The following PTPRD variants were observed in gnomAD, a reference collection of about 807,000 sequenced individuals.
PTPRD encodes receptor-type tyrosine-protein phosphatase delta.
In PTPRD, 34 loss-of-function variants were observed where a neutral mutation model predicts 214.5. The ratio of observed to expected loss-of-function variants is 0.16; its 90% confidence interval spans 0.12 to 0.21. The LOEUF (loss-of-function observed/expected upper bound fraction) is 0.21, where lower values mean the gene tolerates loss of function less well. PTPRD is among the 10% of genes least tolerant of loss of function. The pLI is 1.00. For missense variants in PTPRD, 2,545 were observed against 2,398.7 expected, an observed-to-expected ratio of 1.06 and a Z score of -1.27; for synonymous variants, 1,128 against 845.7, an observed-to-expected ratio of 1.33 and a Z score of -5.79.
chr9:9,553,301 GTTTA>G (rs1400824618), intron 8 of PTPRD, among the ~76,000 whole-genome samples: 1 of 151,960 alleles, frequency 6.6e-6, no homozygotes, highest in Non-Finnish European at 1.5e-5. Context: ...AATGAATTCA[GTTTA>G]TTTTTTTCTA....
chr9:8,329,374 C>G (rs1406178787), intron 44 of PTPRD, among the ~76,000 whole-genome samples: 1 of 152,102 alleles, frequency 6.6e-6, no homozygotes, highest in Non-Finnish European at 1.5e-5. Context: ...GCTGCCTATT[C>G]CTTCCTCTGG....
At chr9:8,726,774 C>T (rs1261390338) in intron 12 of PTPRD, among the ~76,000 whole-genome samples, 1 of 138,914 alleles carries the variant, frequency 7.2e-6, no homozygotes, top group Non-Finnish European at 1.5e-5. Flanking sequence ...GCACTCCAGC[C>T]TCGGTGACAG....
intron 14 of PTPRD, among the ~76,000 whole-genome samples, chr9:8,580,116 C>G (rs1292625169): frequency 6.6e-6 from 1 of 152,012 alleles, no homozygotes; most frequent in African/African-American, 2.4e-5. Flanking sequence ...ATGATAATGT[C>G]AGGTATTAAG....
chr9:9,545,233 C>A (rs1054634723), intron 8 of PTPRD, among the ~76,000 whole-genome samples: 1 of 151,692 alleles, frequency 6.6e-6, no homozygotes, highest in Non-Finnish European at 1.5e-5. Flanking sequence ...TGTATAACGA[C>A]ACACACTTGC....
chr9:10,007,954 A>T (rs1257618336), intron 4 of PTPRD, among the ~76,000 whole-genome samples: 1 of 151,992 alleles, frequency 6.6e-6, no homozygotes, highest in African/African-American at 2.4e-5. Context: ...TATACTTAAG[A>T]ACCATTATGT....
At chr9:8,883,974 C>T (rs148406887) in intron 11 of PTPRD, among the ~76,000 whole-genome samples, 28 of 152,236 alleles carry the variant, frequency 1.8e-4, no homozygotes, top group African/African-American at 5.5e-4. Flanking sequence ...AGTATTGGGA[C>T]GAATGGGAGT....
chr9:8,642,985 G>A (rs2096610121), intron 12 of PTPRD, among the ~76,000 whole-genome samples: 1 of 152,112 alleles, frequency 6.6e-6, no homozygotes, highest in African/African-American at 2.4e-5. Context: ...CCATAGCAGA[G>A]GTTCTACATG....
Position 9,386,899 on chromosome 9 carries a change from A to G in PTPRD, c.-203+10550T>C, listed in dbSNP as rs146207194. Among the ~76,000 whole-genome samples the G allele has an allele frequency of 4.5e-3, 685 of 152,208 alleles. 1 individual carries two copies. Among genetic ancestry groups the G allele is most frequent in the African/African-American group, 0.015 (636 of 41,542 alleles). On this transcript the variant is annotated intron_variant, in intron 9 of 45. Coordinates refer to ENST00000381196, the MANE Select transcript of PTPRD (RefSeq NM_002839.4). Reference sequence around the variant, plus strand: ...GGCTCCTGAGCCCCAACACAGAGGCATTTTCCCTTATCTAAAGGGAGAAAT... The same window carrying G: ...GGCTCCTGAGCCCCAACACAGAGGCGTTTTCCCTTATCTAAAGGGAGAAAT...
intron 8 of PTPRD, among the ~76,000 whole-genome samples, chr9:9,528,044 G>C (rs1488197871): frequency 6.6e-6 from 1 of 152,204 alleles, no homozygotes; most frequent in Non-Finnish European, 1.5e-5. Context: ...GCATTTCTAG[G>C]CAAGCAAAGG....
intron 8 of PTPRD, among the ~76,000 whole-genome samples, chr9:9,496,770 G>C: frequency 6.6e-6 from 1 of 152,154 alleles, no homozygotes; most frequent in Admixed American, 6.5e-5. Context: ...AAAATACATT[G>C]AAAGCAGGGT....
chr9:10,558,184 A>G (rs1015409364), intron 2 of PTPRD, among the ~76,000 whole-genome samples: 3 of 152,180 alleles, frequency 2.0e-5, no homozygotes, highest in African/African-American at 7.2e-5. Context: ...AACAGAAGAT[A>G]AAAGTAGTCA....
chr9:8,409,167 A>G (rs1044316959), intron 35 of PTPRD, among the ~76,000 whole-genome samples: 1 of 152,214 alleles, frequency 6.6e-6, no homozygotes, highest in Admixed American at 6.6e-5. Context: ...CTTTGTACAT[A>G]CTAACTCATT....
intron 2 of PTPRD, among the ~76,000 whole-genome samples, chr9:10,469,160 A>T (rs2099013961): frequency 6.6e-5 from 10 of 152,178 alleles, no homozygotes; most frequent in Admixed American, 6.6e-4. Flanking sequence ...ATCCAAATGG[A>T]AGAAACAAAA....
intron 5 of PTPRD, among the ~76,000 whole-genome samples, chr9:9,771,577 C>A (rs929754406): frequency 6.6e-6 from 1 of 152,118 alleles, no homozygotes; most frequent in Admixed American, 6.5e-5. Context: ...CTCCACATCA[C>A]CTTATTTAAA....
At chr9:9,762,238 A>C (rs1327376236) in intron 6 of PTPRD, among the ~76,000 whole-genome samples, 1 of 152,204 alleles carries the variant, frequency 6.6e-6, no homozygotes. Flanking sequence ...TGTCCTGTCA[A>C]GTCCAAGAAG....
chr9:8,450,142 G>C (rs947395321), intron 33 of PTPRD, among the ~76,000 whole-genome samples: 4 of 152,102 alleles, frequency 2.6e-5, no homozygotes, highest in Admixed American at 2.6e-4. Context: ...GACCCTTATT[G>C]AGCAATTCTC....
intron 11 of PTPRD, among the ~76,000 whole-genome samples, chr9:8,948,021 CTTT>C (rs34611971): frequency 3.6e-4 from 43 of 119,424 alleles, no homozygotes; most frequent in Middle Eastern, 4.2e-3. Context: ...CTCTCTCTCT[CTTT>C]TTTTTTTTTT....
At chr9:9,846,390 T>A (rs192555555) in intron 5 of PTPRD, among the ~76,000 whole-genome samples, 13 of 152,260 alleles carry the variant, frequency 8.5e-5, no homozygotes, top group South Asian at 4.1e-4. Context: ...GCAACTTTCA[T>A]ATGAAGATAC....
At chr9:9,392,800 T>C (rs13300008) in intron 9 of PTPRD, among the ~76,000 whole-genome samples, 40,017 of 151,868 alleles carry the variant, frequency 0.26, 5,354 homozygotes, top group Middle Eastern at 0.3. Context: ...TTGTAGTCTG[T>C]TTTCTTCCAG....
Sources: gnomAD v4.1 joint callset for allele counts (sites outside exome capture counted in the v4.1 genomes callset) on GRCh38, gnomAD v4.1.1 for gene constraint, MANE v1.5 for transcripts, NCBI Gene and HGNC (gene_info 2026-07-23, HGNC 2026-07-21) for gene names.